FAM171A1: variants seen among roughly 807,000 people sequenced by gnomAD.
FAM171A1 encodes the protein protein FAM171A1.
Under a neutral mutation model 74.9 loss-of-function variants are expected in FAM171A1, and 23 were observed. The observed-to-expected ratio is 0.31, with a 90% confidence interval of 0.22 to 0.44. The LOEUF (loss-of-function observed/expected upper bound fraction) is 0.44. Among genes scored for constraint, FAM171A1 ranks in the 20% least tolerant of loss-of-function variants. FAM171A1 has a pLI of 1.00. For synonymous variants in FAM171A1, 527 were observed against 505.7 expected (o/e 1.04, Z -0.57); for missense variants, 1,162 against 1,159.2 (o/e 1.00, Z -0.03).
In FAM171A1 at chr10:15,216,805, G is replaced by A. The variant is rs1833972646; in HGVS notation, c.872-695C>T. Among the ~76,000 whole-genome samples, 3 of 149,470 alleles carry A rather than the reference G, an allele frequency of 2.0e-5. No individual in the cohort carries two copies. The South Asian group carries it at 6.3e-4, about 32-fold the overall frequency. On this transcript the variant is annotated intron_variant, in intron 6 of 7. Transcript: ENST00000378116. Reference sequence around the variant, plus strand: ...TGGGACTCTCACCTTCAGAAAGATGGCCTATCTGGGAATTTTATATTGCAG... The same window carrying A: ...TGGGACTCTCACCTTCAGAAAGATGACCTATCTGGGAATTTTATATTGCAG...
chr10:15,270,111 G>A (rs1009987914), intron 3 of FAM171A1, among the ~76,000 whole-genome samples: 1 of 152,180 alleles, frequency 6.6e-6, no homozygotes, highest in East Asian at 1.9e-4. Context: ...AACGGGTCGG[G>A]GAATTCCCTT....
chr10:15,245,141 C>A (rs1213783343), intron 5 of FAM171A1, among the ~76,000 whole-genome samples: 3 of 152,034 alleles, frequency 2.0e-5, no homozygotes, highest in Non-Finnish European at 2.9e-5. Context: ...TCTTGGCCCA[C>A]CTCAACCTCC....
chr10:15,274,348 A>T (rs1397059831), intron 3 of FAM171A1, among the ~76,000 whole-genome samples: 1 of 152,240 alleles, frequency 6.6e-6, no homozygotes, highest in Non-Finnish European at 1.5e-5. Flanking sequence ...GGACCTCCTC[A>T]GGGAGAACTA....
intron 1 of FAM171A1, among the ~76,000 whole-genome samples, chr10:15,315,432 G>C (rs1019395957): frequency 1.3e-5 from 2 of 152,198 alleles, no homozygotes; most frequent in South Asian, 4.1e-4. Flanking sequence ...GCCTTTCACG[G>C]TGTGGGCTTT....
chr10:15,284,236 GT>G, intron 1 of FAM171A1, 131 bp from the exon 2 acceptor site: 1 of 756,986 alleles, frequency 1.3e-6, no homozygotes, highest in Non-Finnish European at 2.1e-6. Context: ...AAAATATGCA[GT>G]TTTTACCAGA....
At position 15,371,067 on chromosome 10, in the gene FAM171A1, C is replaced by G. The variant is rs746840218; in HGVS notation, c.-15G>C. The G allele has an allele frequency of 3.7e-6, 4 of 1,070,572 alleles. No homozygotes were observed. The African/African-American group carries it at 6.9e-5, about 18-fold the overall frequency. 66.3% of individuals were successfully genotyped at this position (1,070,572 alleles called of 1,614,324 possible). On this transcript the variant is annotated 5_prime_UTR_variant, in exon 1 of 8. Coordinates refer to ENST00000378116, the MANE Select transcript of FAM171A1 (RefSeq NM_001010924.2). ...GACCTGCTCATCTCCGCCGCGGGGC[C>G]GGCGGCGGCTCGGGCTCGCCGAGAG...
Position 15,370,991 on chromosome 10 carries a change from G to C in FAM171A1, c.62C>G (p.Thr21Ser). The C allele has an allele frequency of 1.7e-6, 2 of 1,193,394 alleles. No homozygotes were observed. The highest frequency in any genetic ancestry group is 2.1e-6 in the Non-Finnish European group (2 of 939,756). 73.9% of individuals were successfully genotyped at this position (1,193,394 alleles called of 1,614,324 possible). ...LLGCHVWKAVTKTLREPGAGA... is the reference protein window; with the variant it reads ...LLGCHVWKAVSKTLREPGAGA... Reference sequence around the variant, plus strand: ...GGCGCCGGGCTCCCGCAGCGTCTTGGTCACCGCCTTCCAGACGTGGCAGCC... The same window carrying C: ...GGCGCCGGGCTCCCGCAGCGTCTTGCTCACCGCCTTCCAGACGTGGCAGCC... Residue 21 changes from threonine to serine, a missense_variant, in exon 1 of 8, where the codon ACC becomes AGC. Physicochemically the swap from Thr to Ser is moderately conservative, Grantham distance 58 (BLOSUM62 1). Coordinates refer to ENST00000378116, the MANE Select transcript of FAM171A1 (RefSeq NM_001010924.2).
At chr10:15,237,163 A>G (rs1043769414) in intron 5 of FAM171A1, among the ~76,000 whole-genome samples, 2 of 152,348 alleles carry the variant, frequency 1.3e-5, no homozygotes, top group East Asian at 1.9e-4. Flanking sequence ...TGAATACTCC[A>G]TAAGTGGTAA....
intron 1 of FAM171A1, among the ~76,000 whole-genome samples, chr10:15,368,262 T>TATATATATA (rs1836090819): frequency 1.3e-5 from 2 of 152,214 alleles, no homozygotes; most frequent in Admixed American, 1.3e-4. Context: ...AAGCCTCCAA[T>TATATATATA]TTTATCTTGA....
At chr10:15,225,496 C>G (rs1834093468) in intron 5 of FAM171A1, among the ~76,000 whole-genome samples, 2 of 152,212 alleles carry the variant, frequency 1.3e-5, no homozygotes, top group South Asian at 4.1e-4. Flanking sequence ...AGGAAATAAG[C>G]TCCAGGGAGT....
chr10:15,213,944 G>C lies in FAM171A1; in HGVS notation c.1644C>G (p.Leu548=), dbSNP rs747891159. The C allele has an allele frequency of 6.2e-7, 1 of 1,614,158 alleles. No homozygotes were observed. Among genetic ancestry groups the C allele is most frequent in the Non-Finnish European group, 8.5e-7 (1 of 1,180,032 alleles). ...ECMMSRSVDH[L]ERPTSFPRPG... Reference sequence around the variant, plus strand: ...GCCGTGGGAAGGACGTAGGTCTCTCGAGGTGATCTACTGATCGCGACATCA... The same window carrying C: ...GCCGTGGGAAGGACGTAGGTCTCTCCAGGTGATCTACTGATCGCGACATCA... The change falls in exon 8 of 8, where the codon CTC becomes CTG. Residue 548 remains leucine, a synonymous_variant. Transcript: ENST00000378116. The surrounding 1 kb of genome is among the most constrained non-coding windows in gnomAD (Gnocchi z 6.8).
At chr10:15,341,077 G>A (rs1835759251) in intron 1 of FAM171A1, among the ~76,000 whole-genome samples, 1 of 152,238 alleles carries the variant, frequency 6.6e-6, no homozygotes. Context: ...ATAGTGAGAC[G>A]TGCACTGACA....
intron 3 of FAM171A1, among the ~76,000 whole-genome samples, chr10:15,256,732 GCCA>G (rs1224848586): frequency 6.6e-6 from 1 of 152,094 alleles, no homozygotes; most frequent in Non-Finnish European, 1.5e-5. Flanking sequence ...TCTTACTCCT[GCCA>G]CCTCCTTGGT....
intron 1 of FAM171A1, among the ~76,000 whole-genome samples, chr10:15,345,941 C>T (rs11592056): frequency 0.42 from 63,725 of 151,880 alleles, 13,615 homozygotes; most frequent in Non-Finnish European, 0.49. Flanking sequence ...TCTGGAGAAA[C>T]GGGTTACTGT....
Position 15,285,618 on chromosome 10 carries a change from A to C in FAM171A1, c.98-1513T>G, listed in dbSNP as rs373575348. Among the ~76,000 whole-genome samples, 89 of 152,188 alleles carry C rather than the reference A, an allele frequency of 5.8e-4. No homozygotes were observed. In the South Asian group the frequency reaches 7.5e-3, roughly 13 times the overall value. On this transcript the variant is annotated intron_variant, in intron 1 of 7. Transcript: ENST00000378116. ...AGTGCATCCTGCTCCCAGAAACCCT[A>C]TTTTCTTAAGTAGGAAGCAAGCAGC...
intron 1 of FAM171A1, among the ~76,000 whole-genome samples, chr10:15,366,433 C>T (rs1836063511): frequency 6.6e-6 from 1 of 152,086 alleles, no homozygotes; most frequent in Admixed American, 6.5e-5. Context: ...AACTTAATTT[C>T]TAAAATACAT....
At chr10:15,369,761 C>T (rs542553859) in intron 1 of FAM171A1, among the ~76,000 whole-genome samples, 1 of 152,180 alleles carries the variant, frequency 6.6e-6, no homozygotes, top group Non-Finnish European at 1.5e-5. Flanking sequence ...GCATGTTAGC[C>T]GAGGAAAGGG....
At chr10:15,344,224 AG>A (rs1380964330) in intron 1 of FAM171A1, among the ~76,000 whole-genome samples, 11 of 152,200 alleles carry the variant, frequency 7.2e-5, no homozygotes, top group Non-Finnish European at 1.6e-4. Flanking sequence ...TCCACCAAAG[AG>A]TAGGCTCTCT....
rs568212542 is a variant in FAM171A1 at position 15,313,922 on chromosome 10, C to T, written c.98-29817G>A. 1.3e-4 allele frequency among the ~76,000 whole-genome samples: 20 copies of T among 152,340 alleles called. 1 individual carries two copies. In the South Asian group the frequency reaches 2.3e-3, roughly 17 times the overall value. ...GAAGAGAACTTTGTGTGAATCCACA[C>T]GCTCTGTACAAGGCAGAATCACTCC... On this transcript the variant is annotated intron_variant, in intron 1 of 7. Transcript: ENST00000378116.
Sources: gnomAD v4.1 joint callset for allele counts (sites outside exome capture counted in the v4.1 genomes callset) on GRCh38, gnomAD v4.1.1 for gene constraint, Gnocchi (gnomAD v3.1) non-coding constraint, MANE v1.5 for transcripts, NCBI Gene and HGNC (gene_info 2026-07-23, HGNC 2026-07-21) for gene names.